The following GALNT13 variants were observed in gnomAD, a reference collection of about 807,000 sequenced individuals.
GALNT13 encodes the protein UDP-GalNAc:polypeptide N-acetylgalactosaminyltransferase 13.
A neutral mutation model predicts 64.2 loss-of-function variants in GALNT13; 28 were observed. That is an observed-to-expected ratio of 0.44 (90% CI 0.32 to 0.60). GALNT13 has a LOEUF of 0.60. GALNT13 is among the 20% of genes least tolerant of loss of function. The pLI is 0.05. For synonymous variants in GALNT13, 214 were observed against 224.6 expected (o/e 0.95, Z 0.42); for missense variants, 577 against 669.8 (o/e 0.86, Z 1.53).
At chr2:153,372,850 A>T in the GALNT13 span, among the ~76,000 whole-genome samples, 1 of 152,134 alleles carries the variant, frequency 6.6e-6, no homozygotes, top group African/African-American at 2.4e-5. Flanking sequence ...GCTGGTATTG[A>T]TGCTTGAACT....
intron 10 of GALNT13, among the ~76,000 whole-genome samples, chr2:154,406,354 T>C (rs1699539416): frequency 6.6e-6 from 1 of 152,128 alleles, no homozygotes; most frequent in African/African-American, 2.4e-5. Flanking sequence ...TAATCTGCTC[T>C]TTGCACAGCA....
chr2:153,632,875 C>T, the GALNT13 span, among the ~76,000 whole-genome samples: 1 of 152,098 alleles, frequency 6.6e-6, no homozygotes, highest in Non-Finnish European at 1.5e-5. Flanking sequence ...GTCTCAGCTT[C>T]CCAAGTAGCT....
At chr2:154,000,213 CTT>C (rs1424164307) in intron 3 of GALNT13, among the ~76,000 whole-genome samples, 4 of 151,622 alleles carry the variant, frequency 2.6e-5, no homozygotes, top group South Asian at 2.1e-4. Flanking sequence ...AGTTTTTACT[CTT>C]TGTTTTTAGT....
chr2:153,504,540 T>C, the GALNT13 span, among the ~76,000 whole-genome samples: 1 of 152,210 alleles, frequency 6.6e-6, no homozygotes, highest in African/African-American at 2.4e-5. Flanking sequence ...TGGGTTTTAT[T>C]ACCTTAAGGT....
At chr2:153,632,664 G>A in the GALNT13 span, among the ~76,000 whole-genome samples, 3 of 152,208 alleles carry the variant, frequency 2.0e-5, no homozygotes, top group South Asian at 4.1e-4. Flanking sequence ...AGCCTTTTGA[G>A]AATGGTTTCC....
the GALNT13 span, among the ~76,000 whole-genome samples, chr2:153,085,925 C>A: frequency 2.0e-5 from 3 of 152,180 alleles, no homozygotes; most frequent in Non-Finnish European, 4.4e-5. Context: ...GAGGCTGTGC[C>A]CTGCAAAGCC....
intron 9 of GALNT13, among the ~76,000 whole-genome samples, chr2:154,371,932 G>GT (rs1406487816): frequency 6.6e-6 from 1 of 151,954 alleles, no homozygotes; most frequent in Non-Finnish European, 1.5e-5. Context: ...ACTTTCCAAA[G>GT]TTTAAGTACA....
the GALNT13 span, among the ~76,000 whole-genome samples, chr2:153,691,080 T>C: frequency 1.3e-5 from 2 of 152,144 alleles, no homozygotes; most frequent in Non-Finnish European, 2.9e-5. Flanking sequence ...TTTCCACTCC[T>C]TTGGTATATT....
At chr2:154,295,883 C>T (rs1383609635) in intron 8 of GALNT13, among the ~76,000 whole-genome samples, 3 of 152,218 alleles carry the variant, frequency 2.0e-5, no homozygotes, top group East Asian at 1.9e-4. Context: ...GATGGCTTGC[C>T]GTTGTTGGCT....
the GALNT13 span, among the ~76,000 whole-genome samples, chr2:153,752,015 G>T: frequency 1.3e-5 from 2 of 151,244 alleles, no homozygotes; most frequent in Admixed American, 1.3e-4. Context: ...TTGGTTTCAG[G>T]TTATGTCGAG....
At chr2:153,971,269 C>G (rs1693720342) in intron 3 of GALNT13, among the ~76,000 whole-genome samples, 1 of 152,150 alleles carries the variant, frequency 6.6e-6, no homozygotes, top group Admixed American at 6.5e-5. Context: ...TTCCCCATCT[C>G]TACACTCGCT....
chr2:154,178,083 G>C (rs978687917), intron 4 of GALNT13, among the ~76,000 whole-genome samples: 1 of 152,110 alleles, frequency 6.6e-6, no homozygotes, highest in Admixed American at 6.6e-5. Context: ...ACCGTCTTCT[G>C]TTACTACTGT....
At chr2:153,409,216 A>G in the GALNT13 span, among the ~76,000 whole-genome samples, 2 of 151,746 alleles carry the variant, frequency 1.3e-5, no homozygotes, top group Non-Finnish European at 2.9e-5. Flanking sequence ...CAGACAGCCT[A>G]TCATGGGACG....
Position 154,291,109 on chromosome 2 carries a change from C to T in GALNT13, c.976-10300C>T, listed in dbSNP as rs922122926. On this transcript the variant is annotated intron_variant, in intron 8 of 12. Coordinates refer to ENST00000392825, the MANE Select transcript of GALNT13 (RefSeq NM_052917.4). ...GTGGAAAGGGACCTGAGTAGGTTGC[C>T]GCGGCTGGCTTGGGTGGCCTTTTAT... Among the ~76,000 whole-genome samples, 6 of 152,170 alleles carry T rather than the reference C, an allele frequency of 3.9e-5. No homozygotes were observed. In the South Asian group the frequency reaches 8.3e-4, roughly 21 times the overall value.
chr2:153,402,854 T>C, the GALNT13 span, among the ~76,000 whole-genome samples: 1 of 152,220 alleles, frequency 6.6e-6, no homozygotes, highest in African/African-American at 2.4e-5. Flanking sequence ...AGTTTTCAAC[T>C]TCTTTGCCTT....
chr2:153,121,985 C>T, the GALNT13 span, among the ~76,000 whole-genome samples: 390 of 151,786 alleles, frequency 2.6e-3, 6 homozygotes, highest in African/African-American at 9.1e-3. Flanking sequence ...AGTTTTGTAC[C>T]ATACCTTTTA....
the GALNT13 span, among the ~76,000 whole-genome samples, chr2:153,318,831 A>G: frequency 1.3e-5 from 2 of 152,194 alleles, no homozygotes; most frequent in African/African-American, 4.8e-5. Context: ...TATGTAGTAA[A>G]ATGGGGGAAA....
intron 9 of GALNT13, among the ~76,000 whole-genome samples, chr2:154,368,110 G>T (rs1460437637): frequency 6.6e-6 from 1 of 151,840 alleles, no homozygotes; most frequent in African/African-American, 2.4e-5. Context: ...TAGCTCCAGT[G>T]AATTCACTTT....
the GALNT13 span, among the ~76,000 whole-genome samples, chr2:153,823,373 A>G: frequency 1.3e-5 from 2 of 152,234 alleles, no homozygotes; most frequent in African/African-American, 2.4e-5. Context: ...ACTTCAAGCT[A>G]TGCTACAAGG....
Sources: gnomAD v4.1 joint callset for allele counts (sites outside exome capture counted in the v4.1 genomes callset) on GRCh38, gnomAD v4.1.1 for gene constraint, MANE v1.5 for transcripts, NCBI Gene and HGNC (gene_info 2026-07-23, HGNC 2026-07-21) for gene names.